SGCZ: variants seen among roughly 807,000 people sequenced by gnomAD.
SGCZ encodes zeta-sarcoglycan.
SGCZ carries 40 observed loss-of-function variants against 41.3 expected under a neutral mutation model. That is an observed-to-expected ratio of 0.97 (90% CI 0.75 to 1.26). The LOEUF (loss-of-function observed/expected upper bound fraction) is 1.26, where lower values mean the gene tolerates loss of function less well. SGCZ is among the 50% of genes most tolerant of loss of function. The probability of loss-of-function intolerance (pLI) is 0.00; values close to 1 mark genes in which losing one functional copy is unlikely to be tolerated. For missense variants in SGCZ, 552 were observed against 369.8 expected (o/e 1.49, Z -4.04); for synonymous variants, 206 against 137.5 (o/e 1.50, Z -3.49).
intron 1 of SGCZ, among the ~76,000 whole-genome samples, chr8:14,955,050 A>G (rs1245093148): frequency 6.6e-6 from 1 of 152,070 alleles, no homozygotes; most frequent in Non-Finnish European, 1.5e-5. Flanking sequence ...TCAGAACCTG[A>G]GAAGTCTTCT....
chr8:14,807,444 A>C (rs1435583769), intron 1 of SGCZ, among the ~76,000 whole-genome samples: 1 of 152,182 alleles, frequency 6.6e-6, no homozygotes, highest in Non-Finnish European at 1.5e-5. Context: ...GAGCAGACAA[A>C]CAGAGAGCCA....
At chr8:14,820,204 G>A (rs557257076) in intron 1 of SGCZ, among the ~76,000 whole-genome samples, 24 of 151,984 alleles carry the variant, frequency 1.6e-4, no homozygotes, top group African/African-American at 5.8e-4. Context: ...TCAGGCAAAT[G>A]AAAACCAAAG....
At chr8:15,223,956 G>A (rs770359547) in intron 1 of SGCZ, among the ~76,000 whole-genome samples, 3 of 152,152 alleles carry the variant, frequency 2.0e-5, no homozygotes, top group Non-Finnish European at 4.4e-5. Flanking sequence ...CTGGGTCCAA[G>A]TGATTCTCCT....
At chr8:14,206,650 A>G (rs1805625330) in intron 4 of SGCZ, among the ~76,000 whole-genome samples, 1 of 152,104 alleles carries the variant, frequency 6.6e-6, no homozygotes, top group Non-Finnish European at 1.5e-5. Context: ...GTTCACTAGA[A>G]ACAGATTTAT....
intron 1 of SGCZ, among the ~76,000 whole-genome samples, chr8:14,660,171 G>A (rs932001000): frequency 1.3e-5 from 2 of 152,074 alleles, no homozygotes; most frequent in Non-Finnish European, 2.9e-5. Context: ...AATATTGCAT[G>A]TCCTTATATT....
intron 1 of SGCZ, among the ~76,000 whole-genome samples, chr8:15,128,113 C>CT (rs1202168259): frequency 6.6e-6 from 1 of 152,014 alleles, no homozygotes; most frequent in Non-Finnish European, 1.5e-5. Context: ...CATCTGTCCT[C>CT]TTTTTTTTCA....
intron 1 of SGCZ, among the ~76,000 whole-genome samples, chr8:14,695,443 TA>T (rs1808928034): frequency 1.3e-5 from 2 of 152,106 alleles, no homozygotes; most frequent in Admixed American, 1.3e-4. Flanking sequence ...TGTCCAAAAG[TA>T]CCATGTAAGA....
chr8:14,514,825 GCACACA>G (rs146945070), intron 2 of SGCZ, among the ~76,000 whole-genome samples: 3 of 135,638 alleles, frequency 2.2e-5, no homozygotes, highest in Non-Finnish European at 4.7e-5. Context: ...ATATATACAC[GCACACA>G]CACACACACA....
intron 2 of SGCZ, among the ~76,000 whole-genome samples, chr8:14,329,309 G>A (rs1802233014): frequency 1.3e-5 from 2 of 152,082 alleles, no homozygotes; most frequent in Non-Finnish European, 2.9e-5. Context: ...ATTCCTCACA[G>A]GGATGTTGTA....
At chr8:14,526,603 A>G (rs933748126) in intron 2 of SGCZ, among the ~76,000 whole-genome samples, 3 of 152,086 alleles carry the variant, frequency 2.0e-5, no homozygotes, top group Non-Finnish European at 1.5e-5. Flanking sequence ...CAAAAAATAC[A>G]TATCTATTTT....
At chr8:14,514,683 G>T (rs562226986) in intron 2 of SGCZ, among the ~76,000 whole-genome samples, 1 of 146,990 alleles carries the variant, frequency 6.8e-6, no homozygotes, top group Non-Finnish European at 1.5e-5. Context: ...ATATATATAC[G>T]TATATATTTA....
In SGCZ at chr8:14,760,511, A is replaced by G. The variant is rs142673500; in HGVS notation, c.40-205585T>C. On this transcript the variant is annotated intron_variant, in intron 1 of 7. Transcript: ENST00000382080. ...ATATATTGGAATTTAAATATTACTTAACAAAAAATGTATGCATGTATTTTA... is the reference window on the plus strand; with the variant it reads ...ATATATTGGAATTTAAATATTACTTGACAAAAAATGTATGCATGTATTTTA... 8.5e-4 allele frequency among the ~76,000 whole-genome samples: 130 copies of G among 152,342 alleles called. 1 individual carries two copies. The highest frequency in any genetic ancestry group is 1.7e-3 in the Non-Finnish European group (116 of 68,024).
At chr8:15,111,956 G>GT (rs1340665110) in intron 1 of SGCZ, among the ~76,000 whole-genome samples, 2 of 149,724 alleles carry the variant, frequency 1.3e-5, no homozygotes, top group Non-Finnish European at 3.0e-5. Flanking sequence ...TCATTCCTTC[G>GT]TTACTTGGTG....
At chr8:14,249,931 C>A (rs1370464728) in intron 3 of SGCZ, among the ~76,000 whole-genome samples, 2 of 152,112 alleles carry the variant, frequency 1.3e-5, no homozygotes, top group Non-Finnish European at 2.9e-5. Context: ...GTGTGGTGGG[C>A]AAACATTAAG....
intron 2 of SGCZ, among the ~76,000 whole-genome samples, chr8:14,544,353 G>A (rs1159313511): frequency 6.6e-6 from 1 of 152,044 alleles, no homozygotes; most frequent in African/African-American, 2.4e-5. Context: ...TGAAATCAGT[G>A]CACCTTGAAA....
chr8:14,430,945 C>T (rs35716509), intron 2 of SGCZ, among the ~76,000 whole-genome samples: 30,740 of 151,956 alleles, frequency 0.2, 3,688 homozygotes, highest in Non-Finnish European at 0.28. Flanking sequence ...CCCTTTACAA[C>T]AGCTGCAAAA....
chr8:14,538,029 C>T (rs191044099), intron 2 of SGCZ, among the ~76,000 whole-genome samples: 1 of 151,890 alleles, frequency 6.6e-6, no homozygotes, highest in East Asian at 1.9e-4. Flanking sequence ...AGATGAATAC[C>T]ACTAACGTTA....
intron 1 of SGCZ, among the ~76,000 whole-genome samples, chr8:14,933,143 A>G (rs1799967451): frequency 6.6e-6 from 1 of 152,004 alleles, no homozygotes; most frequent in African/African-American, 2.4e-5. Flanking sequence ...TTGGCTCACT[A>G]CGTCGGTAAC....
At chr8:14,768,299 C>T (rs1800109156) in intron 1 of SGCZ, among the ~76,000 whole-genome samples, 2 of 152,224 alleles carry the variant, frequency 1.3e-5, no homozygotes, top group East Asian at 3.9e-4. Flanking sequence ...AGCTATTCAA[C>T]GGAATTTATT....
Sources: gnomAD v4.1 joint callset for allele counts (sites outside exome capture counted in the v4.1 genomes callset) on GRCh38, gnomAD v4.1.1 for gene constraint, MANE v1.5 for transcripts, NCBI Gene and HGNC (gene_info 2026-07-23, HGNC 2026-07-21) for gene names.